Variants in TANGO6 observed in about 807,000 individuals in gnomAD.
The protein encoded by TANGO6 is transport and Golgi organization protein 6 homolog.
A neutral mutation model predicts 114.2 loss-of-function variants in TANGO6; 90 were observed. The observed-to-expected ratio is 0.79, with a 90% confidence interval of 0.66 to 0.94. The LOEUF (loss-of-function observed/expected upper bound fraction) is 0.94. Ranked by LOEUF, TANGO6 falls within the 40% of genes least tolerant of loss-of-function variation. The pLI, the probability that TANGO6 is intolerant of heterozygous loss-of-function variation, is 0.00. For synonymous variants in TANGO6, 477 were observed against 509.8 expected (o/e 0.94, Z 0.87); for missense variants, 1,274 against 1,315.3 (o/e 0.97, Z 0.49).
In TANGO6 at chr16:68,872,619, T is replaced by A. The variant is rs182378056; in HGVS notation, c.995-2535T>A. On this transcript the variant is annotated intron_variant, in intron 4 of 17. Coordinates refer to ENST00000261778, the MANE Select transcript of TANGO6 (RefSeq NM_024562.2). The stretch of plus-strand genomic sequence containing the variant: ...CCACAGCCGGTTCTGTTGATTTTTT[T>A]ATTCTAATTATAAGCCATATTGTTT... 2.0e-3 allele frequency among the ~76,000 whole-genome samples: 301 copies of A among 151,696 alleles called. 7 individuals carry two copies. Among genetic ancestry groups the A allele is most frequent in the Admixed American group, 0.016 (250 of 15,174 alleles).
intron 16 of TANGO6, among the ~76,000 whole-genome samples, chr16:69,030,121 A>T (rs1959571519): frequency 6.6e-6 from 1 of 151,648 alleles, no homozygotes; most frequent in Non-Finnish European, 1.5e-5. Context: ...AAAAAAAAAA[A>T]AAAAAAGGGA....
intron 11 of TANGO6, among the ~76,000 whole-genome samples, chr16:68,909,872 A>T (rs918802157): frequency 6.6e-6 from 1 of 152,162 alleles, no homozygotes. Context: ...CACTAATAAT[A>T]ATGAGATCAC....
At chr16:68,874,792 A>C (rs2152167016) in intron 4 of TANGO6, among the ~76,000 whole-genome samples, 1 of 152,218 alleles carries the variant, frequency 6.6e-6, no homozygotes, top group Admixed American at 6.6e-5. Context: ...TACTAAAAAT[A>C]GAAAGGAATT....
chr16:68,983,081 C>CTCAAATGATCCTCCTGCCT (rs1248221114), intron 15 of TANGO6, among the ~76,000 whole-genome samples: 1 of 151,848 alleles, frequency 6.6e-6, no homozygotes, highest in Non-Finnish European at 1.5e-5. Flanking sequence ...AACTCCTGGC[C>CTCAAATGATCCTCCTGCCT]TCAAATGATC....
At position 69,063,296 on chromosome 16, in the gene TANGO6, C is replaced by T. The variant is rs1283618815; in HGVS notation, c.3109-20189C>T. Among the ~76,000 whole-genome samples the T allele has an allele frequency of 2.0e-4, 30 of 150,564 alleles. 1 individual carries two copies. Among genetic ancestry groups the T allele is most frequent in the African/African-American group, 5.1e-4 (21 of 40,962 alleles). On this transcript the variant is annotated intron_variant, in intron 17 of 17. Coordinates refer to ENST00000261778, the MANE Select transcript of TANGO6 (RefSeq NM_024562.2). ...ATCCCAGCACATTGGGAGGCCAAGG[C>T]GGGCGGATCACGAGGTCAGGAGTCA...
At chr16:68,905,946 C>T (rs1301730268) in intron 9 of TANGO6, among the ~76,000 whole-genome samples, 2 of 151,898 alleles carry the variant, frequency 1.3e-5, no homozygotes, top group Non-Finnish European at 2.9e-5. Context: ...TTTGGGAGGC[C>T]GAGGTGGGCA....
chr16:69,045,658 G>A (rs191419979), intron 17 of TANGO6, among the ~76,000 whole-genome samples: 1,995 of 151,382 alleles, frequency 0.013, 48 homozygotes, highest in South Asian at 0.091. Context: ...CAGGAGAATC[G>A]CTTGAACCTG....
At chr16:69,014,767 C>T (rs1959259485) in intron 15 of TANGO6, among the ~76,000 whole-genome samples, 1 of 151,342 alleles carries the variant, frequency 6.6e-6, no homozygotes, top group South Asian at 2.1e-4. Flanking sequence ...TGGTGGTGTG[C>T]ATCTATAGTC....
At chr16:68,879,421 G>A (rs1004677712) in intron 6 of TANGO6, among the ~76,000 whole-genome samples, 1 of 152,132 alleles carries the variant, frequency 6.6e-6, no homozygotes, top group Non-Finnish European at 1.5e-5. Context: ...GGTTGAGGTT[G>A]CAGTGAGCCA....
chr16:68,993,215 G>C (rs1287489615), intron 15 of TANGO6, among the ~76,000 whole-genome samples: 1 of 152,066 alleles, frequency 6.6e-6, no homozygotes. Context: ...ATTGGCAAGG[G>C]GTTCTTTCTT....
chr16:69,019,561 G>A (rs1365966885), intron 15 of TANGO6, among the ~76,000 whole-genome samples: 1 of 152,176 alleles, frequency 6.6e-6, no homozygotes, highest in East Asian at 1.9e-4. Flanking sequence ...CCTTCCAAGG[G>A]ACTGAGACTA....
intron 1 of TANGO6, among the ~76,000 whole-genome samples, chr16:68,847,495 A>G (rs145563535): frequency 6.8e-4 from 104 of 152,306 alleles, no homozygotes; most frequent in Middle Eastern, 6.8e-3. Context: ...AACTTCAGTA[A>G]GAGCTTTTGT....
chr16:68,905,801 AG>A, intron 9 of TANGO6, among the ~76,000 whole-genome samples: 1 of 152,128 alleles, frequency 6.6e-6, no homozygotes, highest in East Asian at 1.9e-4. Context: ...TCAGACTGGG[AG>A]GTTGAGGCTG....
intron 17 of TANGO6, among the ~76,000 whole-genome samples, chr16:69,043,500 G>A (rs1453784043): frequency 1.3e-5 from 2 of 152,172 alleles, no homozygotes; most frequent in Non-Finnish European, 2.9e-5. Flanking sequence ...AAAAACCTCC[G>A]CCTGTTCTCC....
chr16:69,050,542 T>G (rs1959932431), intron 17 of TANGO6, among the ~76,000 whole-genome samples: 1 of 151,446 alleles, frequency 6.6e-6, no homozygotes, highest in South Asian at 2.1e-4. Context: ...CAGGCTGGAA[T>G]GCAGTGGTGC....
intron 15 of TANGO6, among the ~76,000 whole-genome samples, chr16:68,988,084 C>T (rs904256202): frequency 1.3e-5 from 2 of 152,162 alleles, no homozygotes; most frequent in Admixed American, 1.3e-4. Context: ...AACTGTCACC[C>T]TAGTTATCTG....
chr16:69,022,511 CTGA>C (rs1235645527), intron 15 of TANGO6, among the ~76,000 whole-genome samples: 2 of 152,072 alleles, frequency 1.3e-5, no homozygotes, highest in Admixed American at 1.3e-4. Flanking sequence ...CAAGACCAGC[CTGA>C]GCAACATGGC....
intron 4 of TANGO6, 143 bp downstream of exon 4, chr16:68,867,363 T>C: frequency 9.8e-7 from 1 of 1,021,878 alleles, no homozygotes; most frequent in Non-Finnish European, 1.4e-6. Context: ...CAGGTTAAAC[T>C]TAGAGGCCGT....
At chr16:68,910,285 G>A (rs1567537716) in intron 11 of TANGO6, among the ~76,000 whole-genome samples, 1 of 152,172 alleles carries the variant, frequency 6.6e-6, no homozygotes, top group Non-Finnish European at 1.5e-5. Flanking sequence ...CTGACTTACC[G>A]TGCCTGTTTA....
Sources: gnomAD v4.1 joint callset for allele counts (sites outside exome capture counted in the v4.1 genomes callset) on GRCh38, gnomAD v4.1.1 for gene constraint, MANE v1.5 for transcripts, NCBI Gene and HGNC (gene_info 2026-07-23, HGNC 2026-07-21) for gene names.